WWOX: variants seen among roughly 807,000 people sequenced by gnomAD.
The protein encoded by WWOX is WW domain containing oxidoreductase.
In WWOX, 69 loss-of-function variants were observed where a neutral mutation model predicts 46.2. The ratio of observed to expected loss-of-function variants is 1.49; its 90% confidence interval spans 1.23 to 1.82. WWOX has a LOEUF of 1.82. Among genes scored for constraint, WWOX ranks in the 40% most tolerant of loss-of-function variants. The pLI is 0.00. For synonymous variants in WWOX, 359 were observed against 202.6 expected, an observed-to-expected ratio of 1.77 and a Z score of -6.56; for missense variants, 919 against 542.6, an observed-to-expected ratio of 1.69 and a Z score of -6.89.
chr16:79,099,856 T>C (rs1328579603), intron 8 of WWOX, among the ~76,000 whole-genome samples: 1 of 152,094 alleles, frequency 6.6e-6, no homozygotes, highest in Non-Finnish European at 1.5e-5. Flanking sequence ...AGGAGATATA[T>C]AGAAACAGAT....
Position 78,490,387 on chromosome 16 carries a change from T to C in WWOX, c.1056+57635T>C, listed in dbSNP as rs561003112. Among the ~76,000 whole-genome samples the C allele has an allele frequency of 1.5e-4, 23 of 152,346 alleles. No homozygotes were observed. The South Asian group carries it at 4.8e-3, about 32-fold the overall frequency. ...TTATTCATGTATGTGCACATGTGTT[T>C]ATGCAGTTACCTTTGTCTTCATTGA... On this transcript the variant is annotated intron_variant, in intron 8 of 8. Coordinates refer to ENST00000566780, the MANE Select transcript of WWOX (RefSeq NM_016373.4).
At chr16:78,758,453 T>C (rs1052388839) in intron 8 of WWOX, among the ~76,000 whole-genome samples, 9 of 152,208 alleles carry the variant, frequency 5.9e-5, no homozygotes, top group African/African-American at 1.9e-4. Flanking sequence ...CATCCATAAA[T>C]TGGTTAGGCA....
intron 8 of WWOX, among the ~76,000 whole-genome samples, chr16:78,929,270 T>A (rs1224195459): frequency 2.0e-5 from 3 of 152,130 alleles, no homozygotes; most frequent in South Asian, 4.1e-4. Context: ...TTTTTTGTAT[T>A]TAAGTTTCCT....
intron 8 of WWOX, among the ~76,000 whole-genome samples, chr16:79,184,198 AT>A (rs1322141308): frequency 6.6e-6 from 1 of 152,222 alleles, no homozygotes; most frequent in Non-Finnish European, 1.5e-5. Flanking sequence ...ATTCAAATTC[AT>A]TGAGTCAGAT....
At chr16:78,889,453 C>A (rs971088554) in intron 8 of WWOX, among the ~76,000 whole-genome samples, 2 of 149,636 alleles carry the variant, frequency 1.3e-5, no homozygotes, top group African/African-American at 2.5e-5. Context: ...TGATGTGTCT[C>A]AGAGTGATCA....
chr16:78,681,528 C>T (rs1222240171), intron 8 of WWOX, among the ~76,000 whole-genome samples: 1 of 143,346 alleles, frequency 7.0e-6, no homozygotes, highest in Admixed American at 7.1e-5. Flanking sequence ...TCGTGCCACC[C>T]AAGATTTCCT....
Position 78,793,411 on chromosome 16 carries a change from C to T in WWOX, c.1056+360659C>T, listed in dbSNP as rs567574553. Among the ~76,000 whole-genome samples, 31 of 152,230 alleles carry T rather than the reference C, an allele frequency of 2.0e-4. No individual in the cohort carries two copies. The South Asian group carries it at 3.7e-3, about 18-fold the overall frequency. ...TTGGTATGGAACTGCACAGACTATA[C>T]GGCTGCTCTCCACTCAAGAATACAA... On this transcript the variant is annotated intron_variant, in intron 8 of 8. Transcript: ENST00000566780.
chr16:78,988,546 C>A (rs999969225), intron 8 of WWOX, among the ~76,000 whole-genome samples: 2 of 151,998 alleles, frequency 1.3e-5, no homozygotes, highest in South Asian at 2.1e-4. Flanking sequence ...TCCCTCTCCC[C>A]AGGAGAGGTC....
At chr16:78,696,260 G>C (rs114146678) in intron 8 of WWOX, among the ~76,000 whole-genome samples, 558 of 152,236 alleles carry the variant, frequency 3.7e-3, no homozygotes, top group African/African-American at 0.013. Context: ...TCCTGTCTTT[G>C]CCACATCACG....
At chr16:78,155,258 A>C (rs1206031447) in intron 4 of WWOX, among the ~76,000 whole-genome samples, 1 of 151,804 alleles carries the variant, frequency 6.6e-6, no homozygotes, top group African/African-American at 2.4e-5. Flanking sequence ...GGAAGGAAAG[A>C]AAAGGAAGGA....
intron 5 of WWOX, among the ~76,000 whole-genome samples, chr16:78,272,690 C>G (rs1452014601): frequency 6.6e-6 from 1 of 152,184 alleles, no homozygotes; most frequent in East Asian, 1.9e-4. Context: ...CTTGGATAGG[C>G]AATGGGAAAT....
intron 8 of WWOX, among the ~76,000 whole-genome samples, chr16:79,174,218 A>C (rs1251940595): frequency 6.6e-6 from 1 of 152,194 alleles, no homozygotes; most frequent in African/African-American, 2.4e-5. Context: ...TTCAGTGGCA[A>C]ATGCCTCTTG....
At position 78,528,960 on chromosome 16, in the gene WWOX, C is replaced by CT. The variant is rs371609463; in HGVS notation, c.1056+96220dup. Among the ~76,000 whole-genome samples the CT allele has an allele frequency of 2.1e-3, 267 of 126,716 alleles. 1 individual carries two copies. The highest frequency in any genetic ancestry group is 0.012 in the Middle Eastern group (3 of 246). The allele number at this position is 126,716 out of a possible 152,430, so 83.1% of individuals were successfully genotyped here. A position where few individuals can be genotyped will look rare whatever the true frequency, so the allele number is the denominator to read the frequency against. On this transcript the variant is annotated intron_variant, in intron 8 of 8. Transcript: ENST00000566780. ...TTTCTTTTCTTTTCTTTCTTTCTTT[C>CT]TTTTTTTTTTTTAGGGAGGGTCTGG...
chr16:78,734,776 A>G (rs1200280890), intron 8 of WWOX, among the ~76,000 whole-genome samples: 1 of 149,128 alleles, frequency 6.7e-6, no homozygotes, highest in Non-Finnish European at 1.5e-5. Flanking sequence ...TGAATAGAGC[A>G]AATAGACTGA....
chr16:78,968,211 C>G (rs989870119), intron 8 of WWOX, among the ~76,000 whole-genome samples: 1 of 152,212 alleles, frequency 6.6e-6, no homozygotes, highest in Non-Finnish European at 1.5e-5. Flanking sequence ...TGGCACAGCA[C>G]ATGGACATGA....
chr16:78,337,473 A>G (rs1038299807), intron 5 of WWOX, among the ~76,000 whole-genome samples: 12 of 152,136 alleles, frequency 7.9e-5, no homozygotes, highest in Non-Finnish European at 1.5e-4. Flanking sequence ...TAATAAACCA[A>G]TATCGATACA....
At chr16:78,114,885 A>G in intron 3 of WWOX, 91 bp from the exon 4 acceptor site, 1 of 1,560,780 alleles carries the variant, frequency 6.4e-7, no homozygotes, top group East Asian at 2.2e-5. Context: ...TGGTCTATGA[A>G]AAATGGGGTT....
chr16:78,593,982 T>G (rs1487779444), intron 8 of WWOX, among the ~76,000 whole-genome samples: 1 of 152,328 alleles, frequency 6.6e-6, no homozygotes, highest in East Asian at 1.9e-4. Context: ...CCAACTTGTG[T>G]AATTAGAAAC....
intron 8 of WWOX, among the ~76,000 whole-genome samples, chr16:79,159,547 C>A (rs141535282): frequency 6.6e-6 from 1 of 152,216 alleles, no homozygotes; most frequent in East Asian, 1.9e-4. Context: ...CACTCAGATG[C>A]TGGAATTGGA....
Sources: gnomAD v4.1 joint callset for allele counts (sites outside exome capture counted in the v4.1 genomes callset) on GRCh38, gnomAD v4.1.1 for gene constraint, MANE v1.5 for transcripts, NCBI Gene and HGNC (gene_info 2026-07-23, HGNC 2026-07-21) for gene names.